ADORA2B: variants seen among roughly 807,000 people sequenced by gnomAD.
ADORA2B encodes adenosine A2b receptor, also known as adenosine receptor A2b.
Under a neutral mutation model 20.8 loss-of-function variants are expected in ADORA2B, and 18 were observed. The observed-to-expected ratio is 0.87, with a 90% CI of 0.60 to 1.29. The LOEUF (loss-of-function observed/expected upper bound fraction) is 1.29. Among genes scored for constraint, ADORA2B ranks in the 50% most tolerant of loss-of-function variants. The pLI is 0.00. For synonymous variants in ADORA2B, 179 were observed against 178.3 expected (o/e 1.00, Z -0.03); for missense variants, 441 against 422.7 (o/e 1.04, Z -0.38).
At chr17:15,969,819 A>G (rs912959732) in intron 1 of ADORA2B, among the ~76,000 whole-genome samples, 2 of 152,138 alleles carry the variant, frequency 1.3e-5, no homozygotes, top group African/African-American at 4.8e-5. Flanking sequence ...CAGTCTCCGT[A>G]CTCTGGCCAG....
chr17:15,934,692 C>T, the ADORA2B span, among the ~76,000 whole-genome samples: 1 of 151,524 alleles, frequency 6.6e-6, no homozygotes, highest in Non-Finnish European at 1.5e-5. Context: ...GTTCCATTTC[C>T]TCCTCTCCTT....
chr17:15,876,414 C>CTT, the ADORA2B span, among the ~76,000 whole-genome samples: 2 of 137,626 alleles, frequency 1.5e-5, no homozygotes, highest in South Asian at 2.3e-4. Flanking sequence ...AGCTTAAGGT[C>CTT]TTTTTTTTTT....
At chr17:15,916,207 T>G in the ADORA2B span, among the ~76,000 whole-genome samples, 1 of 151,500 alleles carries the variant, frequency 6.6e-6, no homozygotes, top group African/African-American at 2.4e-5. Context: ...CAGGCTGTTA[T>G]GTGTCCTGGG....
chr17:15,876,449 CTTTT>C, the ADORA2B span, among the ~76,000 whole-genome samples: 1 of 119,294 alleles, frequency 8.4e-6, no homozygotes, highest in Non-Finnish European at 1.7e-5. Flanking sequence ...TTTCTTTTTT[CTTTT>C]TTTTTTTTTT....
rs779565598 is a variant in ADORA2B at position 15,945,272 on chromosome 17, G to A, written c.24G>A (p.Ala8=). The change falls in exon 1 of 2, where the codon GCG becomes GCA. Residue 8 remains alanine (A), a synonymous_variant. Transcript: ENST00000304222. The stretch of plus-strand genomic sequence containing the variant: ...CCATGCTGCTGGAGACACAGGACGC[G>A]CTGTACGTGGCGCTGGAGCTGGTCA... MLLETQD[A]LYVALELVIA... The A allele has an allele frequency of 1.3e-5, 20 of 1,506,844 alleles. No individual in the cohort carries two copies. The Admixed American group carries it at 3.4e-4, about 26-fold the overall frequency. 93.3% of individuals were successfully genotyped at this position (1,506,844 alleles called of 1,614,324 possible).
chr17:15,974,594 C>T, intron 1 of ADORA2B, 85 bp from the exon 2 acceptor site: 1 of 1,240,674 alleles, frequency 8.1e-7, no homozygotes, highest in Middle Eastern at 2.3e-4. Context: ...GTTAAAGGGT[C>T]ATGGAAAAAA....
chr17:15,874,046 A>G, the ADORA2B span, among the ~76,000 whole-genome samples: 50 of 109,614 alleles, frequency 4.6e-4, no homozygotes, highest in South Asian at 1.5e-3. Flanking sequence ...ATATGTGTAT[A>G]TATATATATA....
intron 1 of ADORA2B, among the ~76,000 whole-genome samples, chr17:15,949,655 T>A (rs1969869967): frequency 6.7e-6 from 1 of 149,414 alleles, no homozygotes; most frequent in Admixed American, 6.7e-5. Context: ...GTGGATCACC[T>A]GAGGTCAGAG....
At chr17:15,974,542 G>T in intron 1 of ADORA2B, 137 bp from the exon 2 acceptor site, 1 of 705,146 alleles carries the variant, frequency 1.4e-6, no homozygotes, top group East Asian at 2.6e-5. Flanking sequence ...TTAGTATTGA[G>T]GGTAAAGGCC....
At chr17:15,921,064 G>T in the ADORA2B span, among the ~76,000 whole-genome samples, 1 of 152,214 alleles carries the variant, frequency 6.6e-6, no homozygotes, top group Non-Finnish European at 1.5e-5. Context: ...ATCATTCCAG[G>T]ATGAGTCAGT....
At chr17:15,900,740 G>A in the ADORA2B span, among the ~76,000 whole-genome samples, 2 of 152,088 alleles carry the variant, frequency 1.3e-5, no homozygotes, top group Admixed American at 6.5e-5. Flanking sequence ...GTGAGCCACC[G>A]TGCCCAGCCT....
chr17:15,896,928 C>T, the ADORA2B span, among the ~76,000 whole-genome samples: 1 of 152,136 alleles, frequency 6.6e-6, no homozygotes, highest in African/African-American at 2.4e-5. Flanking sequence ...AGGAAGGGAG[C>T]ATGTAACATT....
the ADORA2B span, among the ~76,000 whole-genome samples, chr17:15,856,493 G>A: frequency 1.3e-5 from 2 of 151,886 alleles, no homozygotes; most frequent in African/African-American, 4.8e-5. Flanking sequence ...TGAAAATGTG[G>A]AAGTGACTTT....
chr17:15,947,477 G>A (rs149484288), intron 1 of ADORA2B, among the ~76,000 whole-genome samples: 16 of 152,360 alleles, frequency 1.1e-4, no homozygotes, highest in African/African-American at 3.6e-4. Flanking sequence ...TAAGGGGAAA[G>A]TGCTGTGAAT....
upstream of ADORA2B, among the ~76,000 whole-genome samples, chr17:15,940,421 C>A (rs1030927487): frequency 1.3e-5 from 2 of 152,184 alleles, no homozygotes; most frequent in African/African-American, 4.8e-5. Flanking sequence ...AGAAGTAGAA[C>A]GTTGAGGTAC....
chr17:15,872,967 ATTGTCT>A, the ADORA2B span, among the ~76,000 whole-genome samples: 1 of 152,166 alleles, frequency 6.6e-6, no homozygotes, highest in Non-Finnish European at 1.5e-5. Flanking sequence ...AGTGGGCATC[ATTGTCT>A]TGTTCCTGTT....
chr17:15,867,896 T>C, the ADORA2B span, among the ~76,000 whole-genome samples: 5 of 151,580 alleles, frequency 3.3e-5, no homozygotes, highest in East Asian at 3.9e-4. Context: ...TGAGAACGGG[T>C]CATGATGACA....
the ADORA2B span, among the ~76,000 whole-genome samples, chr17:15,868,019 C>A: frequency 1.3e-5 from 2 of 149,188 alleles, no homozygotes; most frequent in Non-Finnish European, 3.0e-5. Flanking sequence ...TCATTTTGTT[C>A]TGTACTAAGA....
At chr17:15,946,450 T>C (rs1007741897) in intron 1 of ADORA2B, among the ~76,000 whole-genome samples, 6 of 152,204 alleles carry the variant, frequency 3.9e-5, no homozygotes, top group African/African-American at 1.4e-4. Context: ...GACTTCAACA[T>C]TGAGAGTTTG....
Sources: allele counts gnomAD v4.1 joint callset (sites outside exome capture counted in the v4.1 genomes callset), GRCh38; gene constraint gnomAD v4.1.1; transcripts MANE v1.5; gene names NCBI Gene and HGNC (gene_info 2026-07-23, HGNC 2026-07-21).